The following RTCA variants were observed in gnomAD, a reference collection of about 807,000 sequenced individuals.
RTCA encodes RNA terminal phosphate cyclase domain 1.
A neutral mutation model predicts 46.1 loss-of-function variants in RTCA; 37 were observed. The observed-to-expected ratio is 0.80, with a 90% CI of 0.62 to 1.06. The LOEUF is 1.06. Ranked by LOEUF, RTCA falls within the 50% of genes least tolerant of loss-of-function variation. RTCA has a pLI of 0.00. For missense variants in RTCA, 435 were observed against 455.5 expected, an observed-to-expected ratio of 0.95 and a Z score of 0.41; for synonymous variants, 164 against 158.3, an observed-to-expected ratio of 1.04 and a Z score of -0.27.
chr1:100,275,036 T>G, intron 6 of RTCA, 71 bp downstream of exon 6: 1 of 1,397,952 alleles, frequency 7.2e-7, no homozygotes, highest in Non-Finnish European at 9.6e-7. Flanking sequence ...AACTAAATTT[T>G]GAAATTATTG....
In RTCA at chr1:100,268,199, G is replaced by A; in HGVS notation, c.194G>A (p.Gly65Glu). The change falls in exon 3 of 11, where the codon GGG becomes GAG. Residue 65 changes from glycine (G) to glutamate (E), a missense_variant. Gly to Glu is a moderately conservative substitution (Grantham distance 98). Transcript: ENST00000370128. ...GAAATGATTCGAGATTTGTGTGATGGGCAACTGGAGGGGGCAGAAATTGGC... is the reference window on the plus strand; with the variant it reads ...GAAATGATTCGAGATTTGTGTGATGAGCAACTGGAGGGGGCAGAAATTGGC... The part of the protein sequence containing the change: ...GLEMIRDLCD[G>E]QLEGAEIGST... The A allele has an allele frequency of 6.2e-7, 1 of 1,614,126 alleles. No homozygotes were observed. The highest frequency in any genetic ancestry group is 8.5e-7 in the Non-Finnish European group (1 of 1,180,008).
intron 4 of RTCA, 84 bp from the exon 5 acceptor site, chr1:100,273,310 G>A (rs1666199587): frequency 5.9e-6 from 5 of 843,312 alleles, no homozygotes; most frequent in Non-Finnish European, 9.2e-6. Flanking sequence ...TTACTAGCCA[G>A]CAAAGCGCTT....
chr1:100,290,191 G>A (rs779608805), intron 10 of RTCA, among the ~76,000 whole-genome samples: 1 of 152,030 alleles, frequency 6.6e-6, no homozygotes, highest in African/African-American at 2.4e-5. Flanking sequence ...TTTTCAAATT[G>A]TGCTTCCAAG....
intron 8 of RTCA, among the ~76,000 whole-genome samples, chr1:100,277,548 C>A (rs781427323): frequency 1.3e-5 from 2 of 152,186 alleles, no homozygotes; most frequent in Non-Finnish European, 2.9e-5. Flanking sequence ...GTCATCCATA[C>A]AACCTTCTCT....
In RTCA at chr1:100,270,684, A is replaced by G; in HGVS notation, c.414+4A>G. ...ACAGATCGATTATACAGTGATGGTA[A>G]GGGCTTTTGTTGTTGACAAACTAAG... On this transcript the variant is annotated splice_donor_region_variant and intron_variant, in intron 4 of 10. Transcript: ENST00000370128. 1 of 1,613,404 alleles carries G rather than the reference A, an allele frequency of 6.2e-7. No homozygotes were observed. Among genetic ancestry groups the G allele is most frequent in the Non-Finnish European group, 8.5e-7 (1 of 1,179,690 alleles).
rs140947391 is a variant in RTCA at position 100,288,546 on chromosome 1, C to T, written c.999+1343C>T. Among the ~76,000 whole-genome samples, 18 of 151,986 alleles carry T rather than the reference C, an allele frequency of 1.2e-4. No homozygotes were observed. The East Asian group carries it at 3.5e-3, about 30-fold the overall frequency. ...AGCTGGGGCTACGGGAGTGTGCCAC[C>T]ACACCTGGCTAATTTTTTGATGTTT... On this transcript the variant is annotated intron_variant, in intron 10 of 10. Coordinates refer to ENST00000370128, the MANE Select transcript of RTCA (RefSeq NM_003729.4).
chr1:100,285,861 G>A (rs948793980), intron 9 of RTCA, among the ~76,000 whole-genome samples: 1 of 152,126 alleles, frequency 6.6e-6, no homozygotes, highest in Non-Finnish European at 1.5e-5. Flanking sequence ...CCTAAACTCT[G>A]GCACCCAAGT....
rs562737286 is a variant in RTCA, at chr1:100,270,129, T to C, written c.291-428T>C. On this transcript the variant is annotated intron_variant, in intron 3 of 10. Coordinates refer to ENST00000370128, the MANE Select transcript of RTCA (RefSeq NM_003729.4). ...TACCTTGTTATATAGTAACTAATCA[T>C]ATCCAGACCTTGTCTATTTTGAAAG... 3.9e-5 allele frequency among the ~76,000 whole-genome samples: 6 copies of C among 152,350 alleles called. No homozygotes were observed. In the East Asian group the frequency reaches 1.2e-3, roughly 29 times the overall value.
In RTCA at chr1:100,266,595, C is replaced by T; in HGVS notation, c.117C>T (p.Ile39=). ...LLGLPLRVQK[I]RAGRSTPGLR... is the part of the protein sequence containing the mutation. ...GCCTCCCCTTGCGGGTGCAGAAGAT[C>T]CGAGCCGGCCGGAGCACGCCAGGCC... Residue 39 remains isoleucine, a synonymous_variant, in exon 2 of 11, where the codon ATC becomes ATT. Transcript: ENST00000370128. 1 of 1,613,640 alleles carries T rather than the reference C, an allele frequency of 6.2e-7. No homozygotes were observed. Among genetic ancestry groups the T allele is most frequent in the Non-Finnish European group, 8.5e-7 (1 of 1,179,752 alleles).
intron 8 of RTCA, among the ~76,000 whole-genome samples, chr1:100,281,803 G>A (rs371141605): frequency 6.6e-5 from 10 of 151,530 alleles, no homozygotes; most frequent in African/African-American, 2.4e-4. Flanking sequence ...TGCAACCTCC[G>A]CCTCCTGTGT....
intron 10 of RTCA, among the ~76,000 whole-genome samples, chr1:100,289,737 G>A (rs755873670): frequency 1.3e-5 from 2 of 151,956 alleles, no homozygotes; most frequent in Non-Finnish European, 1.5e-5. Flanking sequence ...TATACATAAC[G>A]GAAAGTGCTA....
intron 9 of RTCA, 71 bp from the exon 10 acceptor site, chr1:100,287,028 G>A (rs1667069021): frequency 4.0e-6 from 4 of 1,007,528 alleles, no homozygotes; most frequent in Non-Finnish European, 5.7e-6. Flanking sequence ...TTTTTATTAT[G>A]GGCAGCAGTG....
At chr1:100,266,737 A>G (rs534915120) in intron 2 of RTCA, 113 bp downstream of exon 2, 14 of 867,030 alleles carry the variant, frequency 1.6e-5, no homozygotes, top group East Asian at 8.0e-5. Flanking sequence ...TCCCAGACGC[A>G]GGTATGGGCG....
At position 100,291,521 on chromosome 1, in the gene RTCA, A is replaced by G. The variant is rs765672459; in HGVS notation, c.*17A>G. On this transcript the variant is annotated 3_prime_UTR_variant, in exon 11 of 11. Coordinates refer to ENST00000370128, the MANE Select transcript of RTCA (RefSeq NM_003729.4). ...AATCTATAGAGTATTTGCCTCTTAA[A>G]TGATACCTCATTGATATATTGCACT... The G allele has an allele frequency of 8.8e-6, 12 of 1,371,140 alleles. No homozygotes were observed. The South Asian group carries it at 1.4e-4, about 17-fold the overall frequency. The allele number at this position is 1,371,140 out of a possible 1,614,324, so 84.9% of individuals were successfully genotyped here.
At chr1:100,290,867 A>G (rs1667314577) in intron 10 of RTCA, among the ~76,000 whole-genome samples, 1 of 152,198 alleles carries the variant, frequency 6.6e-6, no homozygotes, top group African/African-American at 2.4e-5. Flanking sequence ...AGCCCAGTAC[A>G]TTAAAGATGA....
chr1:100,285,292 T>C lies in RTCA; in HGVS notation c.864T>C (p.Gly288=). 1 of 1,613,848 alleles carries C rather than the reference T, an allele frequency of 6.2e-7. No individual in the cohort carries two copies. Among genetic ancestry groups the C allele is most frequent in the Non-Finnish European group, 8.5e-7 (1 of 1,179,822 alleles). The change falls in exon 9 of 11, where the codon GGT becomes GGC. Residue 288 remains glycine, a synonymous_variant. Coordinates refer to ENST00000370128, the MANE Select transcript of RTCA (RefSeq NM_003729.4). The part of the protein sequence containing the change: ...AEMLLANLRH[G]GTVDEYLQDQ... ...TGCTATTAGCAAATCTTAGACATGG[T>C]GGTACTGTGGATGAGTATCTGCAAG...
rs1667356744 is a variant in RTCA, at chr1:100,291,580, G to A, written c.*76G>A. The A allele has an allele frequency of 3.3e-6, 3 of 916,530 alleles. No individual in the cohort carries two copies. Among genetic ancestry groups the A allele is most frequent in the Non-Finnish European group, 5.1e-6 (3 of 591,302 alleles). The allele number at this position is 916,530 out of a possible 1,614,324, so 56.8% of individuals were successfully genotyped here. A position where few individuals can be genotyped will look rare whatever the true frequency, so the allele number is the denominator to read the frequency against. On this transcript the variant is annotated 3_prime_UTR_variant, in exon 11 of 11. Coordinates refer to ENST00000370128, the MANE Select transcript of RTCA (RefSeq NM_003729.4). ...AATACTATAAAATAATGACTAGGAA[G>A]TAACTTATTAAAGGCTATGACTTAA...
chr1:100,285,155 A>G (rs1666947312), intron 8 of RTCA, 73 bp from the exon 9 acceptor site: 19 of 1,335,274 alleles, frequency 1.4e-5, no homozygotes, highest in Non-Finnish European at 1.8e-5. Context: ...GGATATACCA[A>G]ACTTTTTGTC....
At position 100,283,950 on chromosome 1, in the gene RTCA, G is replaced by GAAAAAAAAAAAAAAAAAAAA. The variant is rs1482720549; in HGVS notation, c.800-1272_800-1271insAAAAAAAAAAAAAAAAAAAA. 3.6e-5 allele frequency among the ~76,000 whole-genome samples: 2 copies of GAAAAAAAAAAAAAAAAAAAA among 55,396 alleles called. 1 individual carries two copies. The highest frequency in any genetic ancestry group is 7.2e-5 in the Non-Finnish European group (2 of 27,842). 36.3% of individuals were successfully genotyped at this position (55,396 alleles called of 152,430 possible). A position where few individuals can be genotyped will look rare whatever the true frequency, so the allele number is the denominator to read the frequency against. On this transcript the variant is annotated intron_variant, in intron 8 of 10. Transcript: ENST00000370128. ...AAAAAAAAAAGAAAAAAAAAAAAAA[G>GAAAAAAAAAAAAAAAAAAAA]AAAAAACAAGAAAAAACAAGAAAAA...
Sources: allele counts gnomAD v4.1 joint callset (sites outside exome capture counted in the v4.1 genomes callset), GRCh38; gene constraint gnomAD v4.1.1; transcripts MANE v1.5; gene names NCBI Gene and HGNC (gene_info 2026-07-23, HGNC 2026-07-21).